INTS7: variants seen among roughly 807,000 people sequenced by gnomAD.
INTS7 encodes the protein integrator complex subunit 7, also known as chromosome 1 open reading frame 73.
INTS7 carries 46 observed loss-of-function variants against 109.2 expected under a neutral mutation model. The ratio of observed to expected loss-of-function variants is 0.42; its 90% CI spans 0.33 to 0.54. The LOEUF is 0.54. INTS7 is among the 20% of genes least tolerant of loss of function. The probability of loss-of-function intolerance (pLI) is 0.07; values close to 1 mark genes in which losing one functional copy is unlikely to be tolerated. For missense variants in INTS7, 929 were observed against 1,132.4 expected (o/e 0.82, Z 2.58); for synonymous variants, 412 against 402.9 (o/e 1.02, Z -0.27).
chr1:212,006,598 A>T, intron 7 of INTS7, 41 bp downstream of exon 7: 1 of 1,017,322 alleles, frequency 9.8e-7, no homozygotes, highest in Admixed American at 2.9e-5. Context: ...TTATAATGTT[A>T]TATTATTTTT....
rs1666680028 is a variant in INTS7 at position 212,021,200 on chromosome 1, C to G, written c.107G>C (p.Gly36Ala). 6.2e-7 allele frequency: 1 copy of G among 1,607,650 alleles called. No homozygotes were observed. Among genetic ancestry groups the G allele is most frequent in the Admixed American group, 1.7e-5 (1 of 59,218 alleles). Residue 36 changes from glycine to alanine, a missense_variant, in exon 2 of 20, where the codon GGC (glycine) becomes GCC (alanine). This residue lies in a region of INTS7 where 142 missense variants were observed against 231.4 expected (regional missense o/e 0.61). Coordinates refer to ENST00000366994, the MANE Select transcript of INTS7 (RefSeq NM_015434.4). ...LMELDKGLRS[G>A]KLGEQCEAVV... ...TGCTTCACACTGTTCACCAAGTTTG[C>G]CAGATCTTAGGCCTATGGAAAAAAA...
chr1:212,011,788 G>A (rs1012847864), intron 4 of INTS7, among the ~76,000 whole-genome samples: 4 of 152,176 alleles, frequency 2.6e-5, no homozygotes, highest in African/African-American at 7.2e-5. Context: ...GAACATGGTG[G>A]ATATTCAGTA....
chr1:211,976,123 G>A (rs1664407726), intron 12 of INTS7, among the ~76,000 whole-genome samples: 1 of 152,034 alleles, frequency 6.6e-6, no homozygotes, highest in African/African-American at 2.4e-5. Context: ...ACTAACCAAG[G>A]TTTCTATTTC....
chr1:212,021,855 A>T (rs572830753), intron 1 of INTS7, among the ~76,000 whole-genome samples: 166 of 152,158 alleles, frequency 1.1e-3, no homozygotes, highest in African/African-American at 3.6e-3. Flanking sequence ...CTCAAAAAAA[A>T]TTTTTTAATA....
At position 211,959,656 on chromosome 1, in the gene INTS7, C is replaced by T. The variant is rs113474856; in HGVS notation, c.2183+6774G>A. 1.5e-4 allele frequency among the ~76,000 whole-genome samples: 23 copies of T among 152,230 alleles called. No individual in the cohort carries two copies. Among genetic ancestry groups the T allele is most frequent in the African/African-American group, 5.1e-4 (21 of 41,522 alleles). ...TCTGCCCCCATTACCCCCGCATTACCGCCATTGCATTTGGAGCTCCTGTGT... is the reference window on the plus strand; with the variant it reads ...TCTGCCCCCATTACCCCCGCATTACTGCCATTGCATTTGGAGCTCCTGTGT... On this transcript the variant is annotated intron_variant, in intron 16 of 19. Coordinates refer to ENST00000366994, the MANE Select transcript of INTS7 (RefSeq NM_015434.4). The surrounding 1 kb of genome is among the most constrained non-coding windows in gnomAD (Gnocchi z 4.2).
At chr1:211,988,136 A>G (rs1022768215) in intron 7 of INTS7, 133 bp from the exon 8 acceptor site, 1 of 496,912 alleles carries the variant, frequency 2.0e-6, no homozygotes, top group African/African-American at 2.0e-5. Flanking sequence ...AAAAACTTAA[A>G]TCGAGGCCAG....
intron 1 of INTS7, among the ~76,000 whole-genome samples, chr1:212,024,641 C>T (rs531293887): frequency 6.6e-6 from 1 of 152,266 alleles, no homozygotes; most frequent in East Asian, 1.9e-4. Context: ...GATGAATAAA[C>T]AAATTGTGGT....
In INTS7 at chr1:212,020,342, T is replaced by C. The variant is rs1345692335; in HGVS notation, c.225-74A>G. 4 of 855,722 alleles carry C rather than the reference T, an allele frequency of 4.7e-6. No individual in the cohort carries two copies. In the East Asian group the frequency reaches 1.1e-4, roughly 23 times the overall value. 53.0% of individuals were successfully genotyped at this position (855,722 alleles called of 1,614,324 possible). ...TTAGGAACCAAAGCAACACTAATAA[T>C]ATTAAATTTTAGCAACACACAAATA... is the stretch of plus-strand genomic sequence containing the variant. On this transcript the variant is annotated intron_variant, in intron 2 of 19. Coordinates refer to ENST00000366994, the MANE Select transcript of INTS7 (RefSeq NM_015434.4).
At chr1:212,011,986 A>C (rs1267680583) in intron 4 of INTS7, among the ~76,000 whole-genome samples, 1 of 152,242 alleles carries the variant, frequency 6.6e-6, no homozygotes, top group Non-Finnish European at 1.5e-5. Flanking sequence ...AAATATAGTG[A>C]GCCCAAATAG....
intron 1 of INTS7, chr1:212,030,956 G>T (rs1667135109): frequency 6.6e-6 from 1 of 152,218 alleles, no homozygotes; most frequent in African/African-American, 2.4e-5. Context: ...GGGGAAATTA[G>T]AGTGCAGAGA....
intron 3 of INTS7, 24 bp downstream of exon 3, chr1:212,020,098 G>C: frequency 7.0e-7 from 1 of 1,437,244 alleles, no homozygotes; most frequent in Non-Finnish European, 9.3e-7. Context: ...ATCTCATAGT[G>C]AATTATTATA....
intron 15 of INTS7, 63 bp from the exon 16 acceptor site, chr1:211,966,561 T>A (rs1233661642): frequency 2.1e-6 from 2 of 963,474 alleles, no homozygotes; most frequent in African/African-American, 3.3e-5. Flanking sequence ...TTTCTATTAC[T>A]TGAATACTAA....
intron 17 of INTS7, among the ~76,000 whole-genome samples, chr1:211,951,759 C>G (rs1663102386): frequency 6.6e-6 from 1 of 152,208 alleles, no homozygotes; most frequent in Non-Finnish European, 1.5e-5. Context: ...CTGGACTTTC[C>G]TGCCTCCAAA....
At chr1:211,956,457 TAAA>T (rs1271271178) in intron 16 of INTS7, among the ~76,000 whole-genome samples, 3 of 152,188 alleles carry the variant, frequency 2.0e-5, no homozygotes, top group Non-Finnish European at 4.4e-5. Flanking sequence ...CTGAACTTTT[TAAA>T]AAAATTTTTG....
intron 3 of INTS7, among the ~76,000 whole-genome samples, chr1:212,019,401 A>G (rs891067952): frequency 4.6e-5 from 7 of 152,208 alleles, no homozygotes; most frequent in Admixed American, 3.9e-4. Context: ...CTGAACAAGA[A>G]GGAAGAACTG....
intron 7 of INTS7, among the ~76,000 whole-genome samples, chr1:212,000,744 C>A (rs993823199): frequency 1.3e-5 from 2 of 152,082 alleles, no homozygotes; most frequent in Non-Finnish European, 2.9e-5. Context: ...TCCTAATTAC[C>A]TAACAAAACA....
intron 7 of INTS7, among the ~76,000 whole-genome samples, chr1:211,991,200 G>T (rs1341215407): frequency 6.6e-6 from 1 of 152,258 alleles, no homozygotes; most frequent in South Asian, 2.1e-4. Flanking sequence ...TTTAGAAAAA[G>T]GACAGAAAAT....
chr1:211,994,073 C>G (rs1665262395), intron 7 of INTS7, among the ~76,000 whole-genome samples: 1 of 151,476 alleles, frequency 6.6e-6, no homozygotes, highest in African/African-American at 2.4e-5. Flanking sequence ...CTGGCTGAGA[C>G]AAAGGCAGAA....
chr1:212,027,270 G>C (rs1026852398), intron 1 of INTS7, among the ~76,000 whole-genome samples: 1 of 152,308 alleles, frequency 6.6e-6, no homozygotes, highest in Non-Finnish European at 1.5e-5. Flanking sequence ...GGCCAATTTT[G>C]TAAGCACTGG....
Sources: gnomAD v4.1 joint callset for allele counts (sites outside exome capture counted in the v4.1 genomes callset) on GRCh38, gnomAD v4.1.1 for gene constraint, gnomAD v4.1.1 regional missense constraint, Gnocchi (gnomAD v3.1) non-coding constraint, MANE v1.5 for transcripts, NCBI Gene and HGNC (gene_info 2026-07-23, HGNC 2026-07-21) for gene names.